Variants in ADAM9 observed in about 807,000 individuals in gnomAD.
ADAM9 encodes the protein ADAM metallopeptidase domain 9.
A neutral mutation model predicts 108.1 loss-of-function variants in ADAM9; 54 were observed. The ratio of observed to expected loss-of-function variants is 0.50; its 90% confidence interval spans 0.40 to 0.63. The LOEUF is 0.63. Ranked by LOEUF, ADAM9 falls within the 20% of genes least tolerant of loss-of-function variation. The pLI is 0.00. For missense variants in ADAM9, 830 were observed against 997.7 expected, an observed-to-expected ratio of 0.83 and a Z score of 2.26; for synonymous variants, 316 against 336.0, an observed-to-expected ratio of 0.94 and a Z score of 0.65.
intron 4 of ADAM9, chr8:39,014,684 T>C (rs575886128): frequency 1.6e-6 from 1 of 619,266 alleles, no homozygotes; most frequent in Non-Finnish European, 2.9e-6. Context: ...TCTTTTGCAA[T>C]GGTTTTCATG....
At chr8:39,069,594 A>G (rs936694224) in intron 14 of ADAM9, among the ~76,000 whole-genome samples, 1 of 152,214 alleles carries the variant, frequency 6.6e-6, no homozygotes, top group East Asian at 1.9e-4. Context: ...CAGGGCTCAG[A>G]GAGCTAAATG....
intron 12 of ADAM9, among the ~76,000 whole-genome samples, chr8:39,044,842 T>G (rs78367261): frequency 0.12 from 17,432 of 147,982 alleles, 2,236 homozygotes; most frequent in African/African-American, 0.32. Context: ...TAGTATTCCG[T>G]GGGGTGTGTG....
intron 2 of ADAM9, 77 bp downstream of exon 2, chr8:39,008,060 G>A: frequency 9.3e-7 from 1 of 1,071,084 alleles, no homozygotes; most frequent in East Asian, 2.5e-5. Context: ...GTTATTTGTA[G>A]CAGTGATCAG....
intron 1 of ADAM9, among the ~76,000 whole-genome samples, chr8:39,002,820 C>T (rs1352916428): frequency 6.6e-6 from 1 of 152,090 alleles, no homozygotes; most frequent in Non-Finnish European, 1.5e-5. Context: ...TTCACGTTTT[C>T]TCTTCAGGCC....
chr8:39,016,188 G>A lies in ADAM9; in HGVS notation c.404G>A (p.Gly135Glu). The A allele has an allele frequency of 6.2e-7, 1 of 1,613,390 alleles. No individual in the cohort carries two copies. The highest frequency in any genetic ancestry group is 1.1e-5 in the South Asian group (1 of 91,054). The change falls in exon 5 of 22, where the codon GGA becomes GAA. Residue 135 changes from glycine to glutamate, a missense_variant. This residue lies in a region of ADAM9 where 211 missense variants were observed against 222.2 expected (regional missense o/e 0.95). Coordinates refer to ENST00000487273, the MANE Select transcript of ADAM9 (RefSeq NM_003816.3). Reference sequence around the variant, plus strand: ...TCCATTGCTCTTAGCGACTGTTTTGGACTCAGGTAAGCAATTTCCTTTATC... The same window carrying A: ...TCCATTGCTCTTAGCGACTGTTTTGAACTCAGGTAAGCAATTTCCTTTATC... ...NSSIALSDCF[G>E]LRGLLHLENA...
chr8:39,023,384 ATTTTC>A (rs1380410483), intron 9 of ADAM9, 59 bp downstream of exon 9: 4 of 1,487,884 alleles, frequency 2.7e-6, no homozygotes, highest in Non-Finnish European at 3.6e-6. Context: ...ATTTTTGCTT[ATTTTC>A]TTGTATTAGA....
At chr8:39,043,725 C>G (rs763324032) in intron 12 of ADAM9, among the ~76,000 whole-genome samples, 1 of 151,944 alleles carries the variant, frequency 6.6e-6, no homozygotes, top group Non-Finnish European at 1.5e-5. Flanking sequence ...ACCTGTCATT[C>G]AAATAGTGAA....
intron 1 of ADAM9, among the ~76,000 whole-genome samples, chr8:39,007,371 T>C (rs558335047): frequency 6.6e-6 from 1 of 152,314 alleles, no homozygotes; most frequent in East Asian, 1.9e-4. Context: ...GGGGGTTAAA[T>C]TTCAGCGTGA....
intron 2 of ADAM9, among the ~76,000 whole-genome samples, chr8:39,010,555 G>A (rs149505307): frequency 8.5e-4 from 130 of 152,304 alleles, no homozygotes; most frequent in African/African-American, 3.0e-3. Context: ...GTTAGTTGTC[G>A]AGTCCCTCCA....
intron 14 of ADAM9, among the ~76,000 whole-genome samples, chr8:39,056,350 T>C (rs1186678872): frequency 1.3e-5 from 2 of 149,842 alleles, no homozygotes; most frequent in Non-Finnish European, 3.0e-5. Context: ...TTTACCTTTT[T>C]TGGCTAAGAT....
At chr8:39,041,857 T>C in intron 11 of ADAM9, 89 bp from the exon 12 acceptor site, 2 of 1,187,934 alleles carry the variant, frequency 1.7e-6, no homozygotes, top group East Asian at 2.3e-5. Context: ...ATTTAAAATA[T>C]TCACATTTTG....
intron 1 of ADAM9, among the ~76,000 whole-genome samples, chr8:38,998,458 A>G (rs1365965515): frequency 6.6e-6 from 1 of 152,214 alleles, no homozygotes; most frequent in African/African-American, 2.4e-5. Flanking sequence ...ATAAATTGTC[A>G]GTCATTACCG....
intron 7 of ADAM9, among the ~76,000 whole-genome samples, chr8:39,020,120 C>T (rs1836686655): frequency 1.3e-5 from 2 of 152,260 alleles, no homozygotes; most frequent in South Asian, 4.2e-4. Flanking sequence ...CCCATCTCTC[C>T]TAAAAATACA....
chr8:39,044,624 C>T (rs1053759336), intron 12 of ADAM9, among the ~76,000 whole-genome samples: 5 of 151,400 alleles, frequency 3.3e-5, no homozygotes, highest in Non-Finnish European at 7.4e-5. Flanking sequence ...CCTCACTCTC[C>T]TCCTACCCTC....
At chr8:38,999,360 CTG>C (rs1564209122) in intron 1 of ADAM9, among the ~76,000 whole-genome samples, 6 of 149,508 alleles carry the variant, frequency 4.0e-5, no homozygotes, top group East Asian at 3.9e-4. Context: ...ACAAAGGTAA[CTG>C]TGTCATTGTA....
At position 39,090,082 on chromosome 8, in the gene ADAM9, T is replaced by C; in HGVS notation, c.2104T>C (p.Phe702Leu). ...NTALRDGLLV[F>L]FFLIVPLIVC... ...TGCATTGAGGGACGGACTTCTGGTC[T>C]TCTTCTTCCTAATTGTTCCCCTTAT... The change falls in exon 19 of 22, where the codon TTC becomes CTC. Residue 702 changes from phenylalanine (F) to leucine (L), a missense_variant. This residue lies in a region of ADAM9 where 238 missense variants were observed against 235.7 expected (regional missense o/e 1.01). Coordinates refer to ENST00000487273, the MANE Select transcript of ADAM9 (RefSeq NM_003816.3). 1 of 1,613,964 alleles carries C rather than the reference T, an allele frequency of 6.2e-7. No individual in the cohort carries two copies. Among genetic ancestry groups the C allele is most frequent in the Non-Finnish European group, 8.5e-7 (1 of 1,179,920 alleles).
At chr8:39,008,216 T>C (rs1206454524) in intron 2 of ADAM9, among the ~76,000 whole-genome samples, 2 of 151,996 alleles carry the variant, frequency 1.3e-5, no homozygotes, top group Non-Finnish European at 2.9e-5. Flanking sequence ...TCGCCCAGGC[T>C]GGAGTGTGCA....
intron 14 of ADAM9, among the ~76,000 whole-genome samples, chr8:39,059,334 G>A (rs1198634467): frequency 1.3e-5 from 2 of 152,190 alleles, no homozygotes; most frequent in African/African-American, 4.8e-5. Flanking sequence ...CTGCCACCAG[G>A]CAGCTGACTG....
intron 14 of ADAM9, among the ~76,000 whole-genome samples, chr8:39,067,018 C>T (rs1350150082): frequency 5.9e-5 from 9 of 152,136 alleles, no homozygotes; most frequent in Non-Finnish European, 1.2e-4. Flanking sequence ...AATCCTTTCC[C>T]CATTTCTTGT....
Sources: gnomAD v4.1 joint callset for allele counts (sites outside exome capture counted in the v4.1 genomes callset) on GRCh38, gnomAD v4.1.1 for gene constraint, gnomAD v4.1.1 regional missense constraint, MANE v1.5 for transcripts, NCBI Gene and HGNC (gene_info 2026-07-23, HGNC 2026-07-21) for gene names.